The following KANK1 variants were observed in gnomAD, a reference collection of about 807,000 sequenced individuals.
KANK1 encodes KN motif and ankyrin repeat domain-containing protein 1.
Under a neutral mutation model 106.2 loss-of-function variants are expected in KANK1, and 109 were observed. That is an observed-to-expected ratio of 1.03 (90% CI 0.88 to 1.20). KANK1 has a LOEUF of 1.20. Ranked by LOEUF, KANK1 falls within the 50% of genes most tolerant of loss-of-function variation. KANK1 has a pLI of 0.00. For missense variants in KANK1, 2,399 were observed against 1,710.7 expected (o/e 1.40, Z -7.10); for synonymous variants, 873 against 652.2 (o/e 1.34, Z -5.16).
At chr9:495,968 AACACAC>A (rs33961058) in intron 3 of KANK1, among the ~76,000 whole-genome samples, 4 of 149,744 alleles carry the variant, frequency 2.7e-5, no homozygotes, top group Admixed American at 2.0e-4. Flanking sequence ...AGCATAATTA[AACACAC>A]ACACACACAC....
intron 1 of KANK1, among the ~76,000 whole-genome samples, chr9:509,822 G>C (rs2058947536): frequency 6.6e-6 from 1 of 152,098 alleles, no homozygotes; most frequent in African/African-American, 2.4e-5. Context: ...TTTGAGACAG[G>C]ATATCATTGT....
intron 1 of KANK1, among the ~76,000 whole-genome samples, chr9:626,766 C>G (rs539950842): frequency 3.1e-4 from 47 of 152,328 alleles, no homozygotes; most frequent in African/African-American, 1.1e-3. Flanking sequence ...CTCTCACATC[C>G]ACCCTCGGTC....
chr9:561,206 T>C (rs1169562511), intron 1 of KANK1, among the ~76,000 whole-genome samples: 1 of 152,200 alleles, frequency 6.6e-6, no homozygotes, highest in Non-Finnish European at 1.5e-5. Flanking sequence ...TTGGAATTTA[T>C]GGGTAGACAT....
chr9:647,415 T>C (rs1839916404), intron 1 of KANK1, among the ~76,000 whole-genome samples: 2 of 151,008 alleles, frequency 1.3e-5, no homozygotes. Context: ...ATAGGAACTT[T>C]AAGAAGACTC....
intron 2 of KANK1, among the ~76,000 whole-genome samples, chr9:688,828 A>G (rs1042090362): frequency 1.3e-5 from 2 of 152,088 alleles, no homozygotes; most frequent in Admixed American, 1.3e-4. Context: ...CTTTTGTCTC[A>G]GGCTTATTCT....
intron 3 of KANK1, among the ~76,000 whole-genome samples, chr9:475,953 A>C (rs1227188098): frequency 6.6e-6 from 1 of 151,868 alleles, no homozygotes; most frequent in Non-Finnish European, 1.5e-5. Flanking sequence ...CCTGGGTTCA[A>C]GCCATTCTCC....
intron 1 of KANK1, among the ~76,000 whole-genome samples, chr9:620,638 C>T (rs1355945417): frequency 6.6e-6 from 1 of 152,112 alleles, no homozygotes; most frequent in Non-Finnish European, 1.5e-5. Flanking sequence ...AATGCCTGAC[C>T]TCATGATCCA....
chr9:513,729 G>A (rs2059132843), intron 1 of KANK1, among the ~76,000 whole-genome samples: 1 of 152,094 alleles, frequency 6.6e-6, no homozygotes, highest in South Asian at 2.1e-4. Flanking sequence ...CTTTGACCTT[G>A]GGAAAAAATA....
At chr9:521,296 G>T (rs1222290052) in intron 1 of KANK1, among the ~76,000 whole-genome samples, 1 of 151,624 alleles carries the variant, frequency 6.6e-6, no homozygotes, top group Non-Finnish European at 1.5e-5. Context: ...TTTTTATGAG[G>T]TGTGGGGGCC....
Position 711,153 on chromosome 9 carries a change from C to T in KANK1, c.387C>T (p.Leu129=). ...CACCTCCCCCTCTGGAGACCTCACT[C>T]CCTTTTCTTACCATCCCAGAAAATC... is the stretch of plus-strand genomic sequence containing the variant. ...SKPPPPLETS[L]PFLTIPENRQ... is the part of the protein sequence containing the mutation. The change falls in exon 3 of 12, where the codon CTC becomes CTT. Residue 129 remains leucine, a synonymous_variant. Coordinates refer to ENST00000382297, the MANE Select transcript of KANK1 (RefSeq NM_015158.5). 6.2e-7 allele frequency: 1 copy of T among 1,614,202 alleles called. No homozygotes were observed. Among genetic ancestry groups the T allele is most frequent in the Non-Finnish European group, 8.5e-7 (1 of 1,180,036 alleles).
chr9:608,812 G>C (rs574911742), intron 1 of KANK1, among the ~76,000 whole-genome samples: 4 of 152,228 alleles, frequency 2.6e-5, no homozygotes, highest in Non-Finnish European at 5.9e-5. Context: ...TGATGGTCCA[G>C]AGTGTTTCCA....
chr9:548,634 AC>A (rs1247397680), intron 1 of KANK1, among the ~76,000 whole-genome samples: 2 of 152,182 alleles, frequency 1.3e-5, no homozygotes, highest in African/African-American at 4.8e-5. Context: ...CTACCAACTA[AC>A]CCATCGTGTA....
At chr9:579,517 A>C (rs1191331844) in intron 1 of KANK1, among the ~76,000 whole-genome samples, 1 of 152,170 alleles carries the variant, frequency 6.6e-6, no homozygotes, top group African/African-American at 2.4e-5. Flanking sequence ...CACAGCATGC[A>C]ACACACAGAT....
chr9:722,116 C>T (rs1829492717), intron 3 of KANK1, among the ~76,000 whole-genome samples: 2 of 152,206 alleles, frequency 1.3e-5, no homozygotes, highest in Admixed American at 1.3e-4. Flanking sequence ...AGGCACAGGC[C>T]AAGCTAACTG....
intron 1 of KANK1, among the ~76,000 whole-genome samples, chr9:599,694 A>G (rs1230064350): frequency 6.6e-6 from 1 of 151,800 alleles, no homozygotes; most frequent in African/African-American, 2.4e-5. Flanking sequence ...GATATTTTCA[A>G]CCCAACATGG....
intron 1 of KANK1, among the ~76,000 whole-genome samples, chr9:603,979 A>C (rs1051172234): frequency 7.0e-6 from 1 of 142,814 alleles, no homozygotes; most frequent in Non-Finnish European, 1.6e-5. Flanking sequence ...AAAAAAAAGT[A>C]AAATTATTTT....
chr9:623,828 T>C (rs749230384), intron 1 of KANK1, among the ~76,000 whole-genome samples: 1 of 152,144 alleles, frequency 6.6e-6, no homozygotes, highest in Non-Finnish European at 1.5e-5. Flanking sequence ...GACATTGGTA[T>C]GGAAGTTTTG....
intron 1 of KANK1, 125 bp downstream of exon 1, chr9:504,879 G>C (rs1285251991): frequency 6.9e-6 from 1 of 145,464 alleles, no homozygotes; most frequent in African/African-American, 2.5e-5. Context: ...CCGGGGTTGC[G>C]CGGCGGCCGT....
In KANK1 at chr9:738,990, G is replaced by A. The variant is rs144977312; in HGVS notation, c.3553+486G>A. On this transcript the variant is annotated intron_variant, in intron 8 of 11. Coordinates refer to ENST00000382297, the MANE Select transcript of KANK1 (RefSeq NM_015158.5). The stretch of plus-strand genomic sequence containing the variant: ...GGGACTAAGCAAAGCCACCTTAACA[G>A]ATGGTCAAATGATCACCATTCTCAC... Among the ~76,000 whole-genome samples, 29 of 152,352 alleles carry A rather than the reference G, an allele frequency of 1.9e-4. 1 individual carries two copies. The South Asian group carries it at 3.7e-3, about 20-fold the overall frequency.
Sources: gnomAD v4.1 joint callset for allele counts (sites outside exome capture counted in the v4.1 genomes callset) on GRCh38, gnomAD v4.1.1 for gene constraint, MANE v1.5 for transcripts, NCBI Gene and HGNC (gene_info 2026-07-23, HGNC 2026-07-21) for gene names.